Variants in GTF2IRD1 observed in about 807,000 individuals in gnomAD.
GTF2IRD1 encodes the protein GTF2I repeat domain containing 1.
GTF2IRD1 carries 26 observed loss-of-function variants against 113.2 expected under a neutral mutation model. That is an observed-to-expected ratio of 0.23 (90% CI 0.17 to 0.32). GTF2IRD1 has a LOEUF of 0.32. GTF2IRD1 is among the 10% of genes least tolerant of loss of function. The pLI is 1.00. For missense variants in GTF2IRD1, 864 were observed against 1,280.8 expected, an observed-to-expected ratio of 0.67 and a Z score of 4.97; for synonymous variants, 484 against 529.1, an observed-to-expected ratio of 0.91 and a Z score of 1.17.
chr7:74,602,202 A>G, intron 26 of GTF2IRD1, 163 bp from the exon 27 acceptor site: 1 of 725,248 alleles, frequency 1.4e-6, no homozygotes, highest in African/African-American at 1.8e-5. Flanking sequence ...AGATTGCATC[A>G]CTGCACTCCA....
chr7:74,457,886 T>G (rs193291234), intron 1 of GTF2IRD1, among the ~76,000 whole-genome samples: 175 of 150,758 alleles, frequency 1.2e-3, no homozygotes, highest in East Asian at 0.01. Flanking sequence ...TGTTTTTTTT[T>G]TTTTTTTTTT....
intron 22 of GTF2IRD1, among the ~76,000 whole-genome samples, chr7:74,565,779 G>C (rs587698155): frequency 6.6e-6 from 1 of 152,148 alleles, no homozygotes; most frequent in South Asian, 2.1e-4. Context: ...AGATCAGCCT[G>C]GGCAGCATAG....
At chr7:74,541,993 G>A (rs1798662835) in intron 14 of GTF2IRD1, among the ~76,000 whole-genome samples, 1 of 152,060 alleles carries the variant, frequency 6.6e-6, no homozygotes, top group Non-Finnish European at 1.5e-5. Context: ...CTACTCAGGA[G>A]GCTGAGGCAG....
At chr7:74,534,302 C>A (rs587717968) in intron 9 of GTF2IRD1, among the ~76,000 whole-genome samples, 1 of 152,252 alleles carries the variant, frequency 6.6e-6, no homozygotes, top group African/African-American at 2.4e-5. Context: ...CCTAACTGTG[C>A]AAAAATGGTT....
chr7:74,518,596 G>A (rs965734434), intron 5 of GTF2IRD1, among the ~76,000 whole-genome samples: 1 of 152,126 alleles, frequency 6.6e-6, no homozygotes, highest in Non-Finnish European at 1.5e-5. Context: ...TAGCACCAAA[G>A]TGGTCGGGTA....
chr7:74,544,909 C>T (rs1798838186), intron 15 of GTF2IRD1, 107 bp downstream of exon 15: 5 of 809,530 alleles, frequency 6.2e-6, no homozygotes, highest in Non-Finnish European at 1.0e-5. Context: ...CTCTCCACCT[C>T]ATCTCTCTCC....
rs149061117 is a variant in GTF2IRD1 at position 74,555,233 on chromosome 7, G to C, written c.1966+10G>C. ...ATCATGGATAGTCAAGGTACCCAGCGCGGGGTCGGGAGCCATGGTGTGGGC... is the reference window on the plus strand; with the variant it reads ...ATCATGGATAGTCAAGGTACCCAGCCCGGGGTCGGGAGCCATGGTGTGGGC... On this transcript the variant is annotated intron_variant, in intron 18 of 26. Transcript: ENST00000424337. The surrounding 1 kb of genome is among the most constrained non-coding windows in gnomAD (Gnocchi z 5.3). The C allele has an allele frequency of 6.2e-7, 1 of 1,612,646 alleles. No homozygotes were observed. The highest frequency in any genetic ancestry group is 1.7e-5 in the Admixed American group (1 of 59,934).
intron 14 of GTF2IRD1, among the ~76,000 whole-genome samples, chr7:74,541,694 G>A (rs1430848593): frequency 6.6e-6 from 1 of 151,728 alleles, no homozygotes; most frequent in African/African-American, 2.4e-5. Context: ...TGAGGTCAGA[G>A]TTCAAAACCA....
chr7:74,565,589 G>A (rs1800249726), intron 22 of GTF2IRD1, among the ~76,000 whole-genome samples: 1 of 152,136 alleles, frequency 6.6e-6, no homozygotes, highest in Admixed American at 6.6e-5. Flanking sequence ...ATGCTGGGAA[G>A]AAGCGGTGGT....
At chr7:74,544,503 C>T (rs782032355) in intron 14 of GTF2IRD1, among the ~76,000 whole-genome samples, 70 of 152,162 alleles carry the variant, frequency 4.6e-4, no homozygotes, top group Non-Finnish European at 6.2e-4. Context: ...TTGTCTTGTT[C>T]CCACGTGTCC....
intron 9 of GTF2IRD1, among the ~76,000 whole-genome samples, chr7:74,530,176 C>G (rs1797876126): frequency 6.6e-6 from 1 of 150,828 alleles, no homozygotes; most frequent in African/African-American, 2.4e-5. Flanking sequence ...TGCCACTGCA[C>G]TCCAGCCTGG....
chr7:74,536,093 A>G, intron 10 of GTF2IRD1, 74 bp from the exon 11 acceptor site: 1 of 944,038 alleles, frequency 1.1e-6, no homozygotes, highest in Non-Finnish European at 1.7e-6. Flanking sequence ...TCACACACAG[A>G]CCTTTACCCA....
Position 74,593,567 on chromosome 7 carries a change from ACTAAAAATACAAAAAAC to A in GTF2IRD1, c.2592-1446_2592-1430del, listed in dbSNP as rs1291159921. Among the ~76,000 whole-genome samples the A allele has an allele frequency of 1.5e-4, 23 of 151,622 alleles. No individual in the cohort carries two copies. The East Asian group carries it at 1.6e-3, about 10-fold the overall frequency. On this transcript the variant is annotated intron_variant, in intron 24 of 26. Transcript: ENST00000424337. ...GCTAACATGGTGAAACCCCGTCTCC[ACTAAAAATACAAAAAAC>A]TAGCCGGGCGTGGCGCAGGGCACCT...
chr7:74,478,332 G>C (rs771813595), intron 1 of GTF2IRD1, among the ~76,000 whole-genome samples: 34 of 152,210 alleles, frequency 2.2e-4, no homozygotes, highest in Non-Finnish European at 4.4e-4. Context: ...CGGGCACTTG[G>C]TGTCCCCAGG....
intron 22 of GTF2IRD1, among the ~76,000 whole-genome samples, chr7:74,586,525 A>G (rs13246861): frequency 0.07 from 10,708 of 152,262 alleles, 408 homozygotes; most frequent in Middle Eastern, 0.14. Flanking sequence ...CAACTCAGAG[A>G]TGTGCAGAGA....
chr7:74,473,468 A>G, intron 1 of GTF2IRD1, among the ~76,000 whole-genome samples: 1 of 150,832 alleles, frequency 6.6e-6, no homozygotes, highest in Non-Finnish European at 1.5e-5. Context: ...TCTGTCGCCC[A>G]AGCTGGAGTA....
rs587637687 is a variant in GTF2IRD1 at position 74,594,852 on chromosome 7, T to C, written c.2592-162T>C. Among the ~76,000 whole-genome samples, 4 of 151,920 alleles carry C rather than the reference T, an allele frequency of 2.6e-5. No homozygotes were observed. In the East Asian group the frequency reaches 7.8e-4, roughly 30 times the overall value. On this transcript the variant is annotated intron_variant, in intron 24 of 26. Coordinates refer to ENST00000424337, the MANE Select transcript of GTF2IRD1 (RefSeq NM_005685.4). ...CTGTAGTCCCAGCTACTCGGGAGGC[T>C]GAGACAGGAGAATGGCGTGAACCCA... is the stretch of plus-strand genomic sequence containing the variant.
intron 14 of GTF2IRD1, among the ~76,000 whole-genome samples, chr7:74,542,921 T>C (rs587651835): frequency 4.7e-4 from 72 of 152,352 alleles, no homozygotes; most frequent in African/African-American, 1.7e-3. Context: ...GCAAGGCTCA[T>C]CCACCTCCCC....
chr7:74,525,024 G>A (rs1797522326), intron 8 of GTF2IRD1, among the ~76,000 whole-genome samples: 1 of 152,038 alleles, frequency 6.6e-6, no homozygotes, highest in South Asian at 2.1e-4. Context: ...GTGACAGAGC[G>A]AGACCCTATC....
Sources: allele counts gnomAD v4.1 joint callset (sites outside exome capture counted in the v4.1 genomes callset), GRCh38; gene constraint gnomAD v4.1.1; non-coding constraint Gnocchi (gnomAD v3.1); transcripts MANE v1.5; gene names NCBI Gene and HGNC (gene_info 2026-07-23, HGNC 2026-07-21).